Variants in CPSF2 observed in about 807,000 individuals in gnomAD.
CPSF2 encodes cleavage and polyadenylation specificity factor subunit 2.
CPSF2 carries 51 observed loss-of-function variants against 84.2 expected under a neutral mutation model. The observed-to-expected ratio is 0.61, with a 90% CI of 0.48 to 0.77. The LOEUF (loss-of-function observed/expected upper bound fraction) is 0.77. Among genes scored for constraint, CPSF2 ranks in the 30% least tolerant of loss-of-function variants. The probability of loss-of-function intolerance (pLI) is 0.00; values close to 1 mark genes in which losing one functional copy is unlikely to be tolerated. For missense variants in CPSF2, 641 were observed against 929.4 expected, an observed-to-expected ratio of 0.69 and a Z score of 4.03; for synonymous variants, 286 against 311.9, an observed-to-expected ratio of 0.92 and a Z score of 0.87.
intron 5 of CPSF2, 26 bp downstream of exon 5, chr14:92,134,381 A>G (rs766332624): frequency 3.5e-6 from 5 of 1,429,494 alleles, no homozygotes; most frequent in African/African-American, 1.4e-5. Context: ...AGTAGTAAGT[A>G]TTTAGATGAA....
chr14:92,151,229 A>C (rs1044901518), intron 9 of CPSF2, among the ~76,000 whole-genome samples: 1 of 152,050 alleles, frequency 6.6e-6, no homozygotes, highest in African/African-American at 2.4e-5. Flanking sequence ...TTGTCTCTAC[A>C]AAAAATTAAA....
chr14:92,150,929 A>C (rs1319200143), intron 9 of CPSF2, among the ~76,000 whole-genome samples: 1 of 152,234 alleles, frequency 6.6e-6, no homozygotes, highest in African/African-American at 2.4e-5. Flanking sequence ...TGAGATTGAC[A>C]ACTTAAACTG....
chr14:92,150,411 C>G (rs1427510014), intron 9 of CPSF2, among the ~76,000 whole-genome samples: 3 of 151,596 alleles, frequency 2.0e-5, no homozygotes, highest in Non-Finnish European at 2.9e-5. Flanking sequence ...CGCGAGTCAC[C>G]GCACCAGGCC....
At chr14:92,154,515 C>T (rs1161839668) in intron 10 of CPSF2, 57 bp downstream of exon 10, 1 of 1,184,488 alleles carries the variant, frequency 8.4e-7, no homozygotes, top group East Asian at 2.4e-5. Context: ...AAGAATGTGT[C>T]CTTGACTTAA....
At chr14:92,160,529 C>G (rs950138787) in intron 14 of CPSF2, among the ~76,000 whole-genome samples, 3 of 152,188 alleles carry the variant, frequency 2.0e-5, no homozygotes, top group African/African-American at 7.2e-5. Context: ...CCTTCTAGTA[C>G]AACCCTCAAA....
chr14:92,131,185 T>A, intron 3 of CPSF2, 52 bp downstream of exon 3: 1 of 1,422,704 alleles, frequency 7.0e-7, no homozygotes, highest in Non-Finnish European at 9.8e-7. Flanking sequence ...TTCTCTTTTC[T>A]GTACTGTAAT....
chr14:92,168,351 C>G lies in CPSF2; in HGVS notation c.*6607C>G, dbSNP rs2069478276. ...GCAAATGTTTATTTTTTTACCTCCT[C>G]TTTGGTTTTTGTCTCACTTGAAGCA... is the stretch of plus-strand genomic sequence containing the variant. On this transcript the variant is annotated 3_prime_UTR_variant, in exon 16 of 16. Transcript: ENST00000298875. 1 of 151,186 alleles carries G rather than the reference C, an allele frequency of 6.6e-6. No individual in the cohort carries two copies. The highest frequency in any genetic ancestry group is 2.1e-4 in the South Asian group (1 of 4,786). The allele number at this position is 151,186 out of a possible 1,614,324, so 9.4% of individuals were successfully genotyped here.
intron 9 of CPSF2, among the ~76,000 whole-genome samples, chr14:92,147,599 CTATG>C (rs1220059463): frequency 2.0e-5 from 3 of 152,026 alleles, no homozygotes; most frequent in African/African-American, 7.3e-5. Context: ...TAAAAGGCAT[CTATG>C]TAGGTTGCTA....
In CPSF2 at chr14:92,168,968, A is replaced by C. The variant is rs2069484773; in HGVS notation, c.*7224A>C. ...CCTACTAAAATTTTTGATAATGATA[A>C]TTTCAAGTGGAGAATATATAAAGGA... On this transcript the variant is annotated 3_prime_UTR_variant, in exon 16 of 16. Coordinates refer to ENST00000298875, the MANE Select transcript of CPSF2 (RefSeq NM_017437.3). The C allele has an allele frequency of 2.0e-5, 3 of 152,148 alleles. No individual in the cohort carries two copies. The highest frequency in any genetic ancestry group is 2.0e-4 in the Admixed American group (3 of 15,260). 9.4% of individuals were successfully genotyped at this position (152,148 alleles called of 1,614,324 possible). A position where few individuals can be genotyped will look rare whatever the true frequency, so the allele number is the denominator to read the frequency against.
chr14:92,158,402 A>G (rs532051354), intron 13 of CPSF2, among the ~76,000 whole-genome samples: 2 of 152,294 alleles, frequency 1.3e-5, no homozygotes, highest in African/African-American at 4.8e-5. Context: ...GTAATGGGAG[A>G]TGGTGTCAGT....
chr14:92,125,046 G>T (rs2068827850), intron 1 of CPSF2, among the ~76,000 whole-genome samples: 1 of 152,032 alleles, frequency 6.6e-6, no homozygotes, highest in Non-Finnish European at 1.5e-5. Flanking sequence ...TAAGGCATTT[G>T]GTTTGTCTTT....
chr14:92,157,602 C>T lies in CPSF2; in HGVS notation c.1596-57C>T. ...TTATATATTGTATACATGATAAAAG[C>T]CATTTTTTTTTAGAATTATGAGAAA... On this transcript the variant is annotated intron_variant, in intron 12 of 15. Coordinates refer to ENST00000298875, the MANE Select transcript of CPSF2 (RefSeq NM_017437.3). The surrounding 1 kb of genome is among the most constrained non-coding windows in gnomAD (Gnocchi z 4.0). 7.7e-7 allele frequency: 1 copy of T among 1,291,214 alleles called. No individual in the cohort carries two copies. Among genetic ancestry groups the T allele is most frequent in the Non-Finnish European group, 1.1e-6 (1 of 913,014 alleles). 80.0% of individuals were successfully genotyped at this position (1,291,214 alleles called of 1,614,324 possible). A position where few individuals can be genotyped will look rare whatever the true frequency, so the allele number is the denominator to read the frequency against.
At chr14:92,136,876 A>T (rs879905160) in intron 6 of CPSF2, among the ~76,000 whole-genome samples, 3 of 152,198 alleles carry the variant, frequency 2.0e-5, no homozygotes, top group Non-Finnish European at 2.9e-5. Context: ...GATGGATTAG[A>T]ACTAAATAGA....
intron 9 of CPSF2, among the ~76,000 whole-genome samples, chr14:92,146,594 T>C (rs1222990291): frequency 2.6e-5 from 4 of 152,250 alleles, no homozygotes; most frequent in Non-Finnish European, 1.5e-5. Context: ...GTGTTAACTA[T>C]ATGTACATTG....
At chr14:92,161,330 AT>A (rs2069369446) in intron 15 of CPSF2, 84 bp downstream of exon 15, 1 of 1,446,072 alleles carries the variant, frequency 6.9e-7, no homozygotes, top group Admixed American at 2.6e-5. Flanking sequence ...CTTGTTTGGT[AT>A]TTTCACAAAA....
chr14:92,155,315 G>T lies in CPSF2; in HGVS notation c.1434G>T (p.Glu478Asp). The change falls in exon 11 of 16, where the codon GAG becomes GAT. Residue 478 changes from glutamate to aspartate, a missense_variant. By Grantham distance (45) the Glu-to-Asp change is conservative (BLOSUM62 2). Around this residue, in one of 2 missense-constraint regions of CPSF2, gnomAD observed 430 missense variants for 553.6 expected, o/e 0.78. Transcript: ENST00000298875. The part of the protein sequence containing the change: ...EERIKWDEYG[E>D]IIKPEDFLVP... Reference sequence around the variant, plus strand: ...GAATTAAATGGGATGAATATGGAGAGATTATCAAGTATGTGAGCAAAACAA... The same window carrying T: ...GAATTAAATGGGATGAATATGGAGATATTATCAAGTATGTGAGCAAAACAA... 6.2e-7 allele frequency: 1 copy of T among 1,613,256 alleles called. No individual in the cohort carries two copies. The highest frequency in any genetic ancestry group is 8.5e-7 in the Non-Finnish European group (1 of 1,179,240).
rs750859949 is a variant in CPSF2, at chr14:92,156,590, T to A, written c.1554T>A (p.Val518=). 14 of 1,608,358 alleles carry A rather than the reference T, an allele frequency of 8.7e-6. No homozygotes were observed. In the South Asian group the frequency reaches 1.5e-4, roughly 18 times the overall value. Reference sequence around the variant, plus strand: ...CTATGGATCAGGATTTATCTGATGTTCCTACTAAATGTATTTCTACAACAG... The same window carrying A: ...CTATGGATCAGGATTTATCTGATGTACCTACTAAATGTATTTCTACAACAG... ...DEPMDQDLSD[V]PTKCISTTES... is the part of the protein sequence containing the mutation. The change falls in exon 12 of 16, where the codon GTT becomes GTA. Residue 518 remains valine (V), a synonymous_variant. Transcript: ENST00000298875.
chr14:92,134,658 C>T (rs2068976143), intron 5 of CPSF2, among the ~76,000 whole-genome samples: 1 of 152,122 alleles, frequency 6.6e-6, no homozygotes, highest in South Asian at 2.1e-4. Context: ...TCAGAGCTTA[C>T]AGTTAGATTG....
At chr14:92,156,679 C>T (rs1207301572) in intron 12 of CPSF2, 48 bp downstream of exon 12, 6 of 1,351,376 alleles carry the variant, frequency 4.4e-6, no homozygotes, top group Non-Finnish European at 6.0e-6. Context: ...GATAAAATTT[C>T]AAGCATTTGA....
Sources: allele counts gnomAD v4.1 joint callset (sites outside exome capture counted in the v4.1 genomes callset), GRCh38; gene constraint gnomAD v4.1.1; regional missense constraint gnomAD v4.1.1; non-coding constraint Gnocchi (gnomAD v3.1); transcripts MANE v1.5; gene names NCBI Gene and HGNC (gene_info 2026-07-23, HGNC 2026-07-21).